The following MMEL1 variants were observed in gnomAD, a reference collection of about 807,000 sequenced individuals.
The protein encoded by MMEL1 is membrane metalloendopeptidase like 1, also known as membrane metallo-endopeptidase-like 1.
MMEL1 carries 98 observed loss-of-function variants against 117.1 expected under a neutral mutation model. That is an observed-to-expected ratio of 0.84 (90% CI 0.71 to 0.99). The LOEUF (loss-of-function observed/expected upper bound fraction) is 0.99. Ranked by LOEUF, MMEL1 falls within the 50% of genes least tolerant of loss-of-function variation. The probability of loss-of-function intolerance (pLI) is 0.00; values close to 1 mark genes in which losing one functional copy is unlikely to be tolerated. For missense variants in MMEL1, 1,014 were observed against 1,049.1 expected (o/e 0.97, Z 0.46); for synonymous variants, 390 against 415.1 (o/e 0.94, Z 0.74).
At chr1:2,608,556 T>C (rs530653375) in intron 6 of MMEL1, among the ~76,000 whole-genome samples, 2 of 151,232 alleles carry the variant, frequency 1.3e-5, no homozygotes, top group East Asian at 2.0e-4. Flanking sequence ...TACACACATA[T>C]ACACATGTAC....
chr1:2,614,842 A>G (rs1390100806), intron 2 of MMEL1, among the ~76,000 whole-genome samples: 1 of 151,390 alleles, frequency 6.6e-6, no homozygotes, highest in East Asian at 1.9e-4. Context: ...CAACTGGGGT[A>G]GGAAACATAC....
chr1:2,625,006 G>A (rs1645347508), intron 2 of MMEL1, among the ~76,000 whole-genome samples: 1 of 152,112 alleles, frequency 6.6e-6, no homozygotes, highest in Non-Finnish European at 1.5e-5. Flanking sequence ...TCACTATCAC[G>A]AGAACTGCAA....
At chr1:2,609,310 T>A (rs1645087237) in intron 6 of MMEL1, 29 bp downstream of exon 6, 1 of 1,595,744 alleles carries the variant, frequency 6.3e-7, no homozygotes, top group South Asian at 1.1e-5. Context: ...GTCCCCTGCC[T>A]CGGCCCCTTC....
chr1:2,602,820 C>A (rs1210168611), intron 11 of MMEL1, among the ~76,000 whole-genome samples: 2 of 152,120 alleles, frequency 1.3e-5, no homozygotes, highest in Non-Finnish European at 2.9e-5. Context: ...TGGCCATGGC[C>A]CTTGGTTCTC....
chr1:2,617,633 A>C (rs968595894), intron 2 of MMEL1, among the ~76,000 whole-genome samples: 6 of 152,136 alleles, frequency 3.9e-5, no homozygotes, highest in African/African-American at 1.2e-4. Context: ...CCTCATCTCT[A>C]CTTTTCTTGG....
At chr1:2,598,572 T>G (rs1644883032) in intron 12 of MMEL1, 82 bp downstream of exon 12, 3 of 1,587,178 alleles carry the variant, frequency 1.9e-6, no homozygotes, top group African/African-American at 2.7e-5. Context: ...GGTCCCCTCC[T>G]GGGAGCAGAA....
At position 2,629,392 on chromosome 1, in the gene MMEL1, C is replaced by T; in HGVS notation, c.93G>A (p.Leu31=). ...RPGFLEGGLL[L]LLLLVTAALV... is the part of the protein sequence containing the mutation. ...GGGCAGCGGTCACCAGCAGCAGCAG[C>T]AGCAGCAGCCCCCCCTCCAGGAACC... The change falls in exon 2 of 24, where the codon CTG becomes CTA. Residue 31 remains leucine, a synonymous_variant. Coordinates refer to ENST00000378412, the MANE Select transcript of MMEL1 (RefSeq NM_033467.4). 1.3e-6 allele frequency: 2 copies of T among 1,546,432 alleles called. No homozygotes were observed. The highest frequency in any genetic ancestry group is 2.4e-5 in the South Asian group (2 of 84,018).
intron 11 of MMEL1, among the ~76,000 whole-genome samples, chr1:2,600,426 C>T (rs560406826): frequency 2.6e-5 from 4 of 151,686 alleles, no homozygotes; most frequent in South Asian, 2.1e-4. Context: ...GGACCAGGTG[C>T]GGTGGCTCAT....
intron 2 of MMEL1, among the ~76,000 whole-genome samples, chr1:2,618,940 G>A (rs1645246698): frequency 6.6e-6 from 1 of 152,144 alleles, no homozygotes. Flanking sequence ...CTGCATCCGT[G>A]CCTTGGCCAT....
intron 6 of MMEL1, among the ~76,000 whole-genome samples, chr1:2,607,940 A>G (rs1237951289): frequency 2.0e-5 from 3 of 152,094 alleles, no homozygotes; most frequent in Non-Finnish European, 2.9e-5. Flanking sequence ...TGGGCTGCCC[A>G]CTGGGGATAA....
intron 11 of MMEL1, among the ~76,000 whole-genome samples, chr1:2,602,952 C>A (rs1213613804): frequency 6.6e-6 from 1 of 152,148 alleles, no homozygotes; most frequent in Admixed American, 6.5e-5. Flanking sequence ...GAACCTCGAT[C>A]GAGATAGGCC....
intron 11 of MMEL1, among the ~76,000 whole-genome samples, chr1:2,600,857 A>G (rs1374077814): frequency 6.6e-6 from 1 of 152,246 alleles, no homozygotes; most frequent in Non-Finnish European, 1.5e-5. Context: ...TTTCAAAATG[A>G]TTCTATTTAT....
intron 2 of MMEL1, among the ~76,000 whole-genome samples, chr1:2,623,739 C>G (rs1443356853): frequency 2.0e-5 from 3 of 152,204 alleles, no homozygotes; most frequent in Non-Finnish European, 4.4e-5. Flanking sequence ...TCTCAGAAGG[C>G]TGGAGAGAGC....
chr1:2,608,534 CACACAT>C (rs1189675241), intron 6 of MMEL1, among the ~76,000 whole-genome samples: 14 of 125,188 alleles, frequency 1.1e-4, no homozygotes, highest in South Asian at 2.9e-4. Flanking sequence ...CATACACATA[CACACAT>C]ACACATACAC....
Position 2,598,368 on chromosome 1 carries a change from T to C in MMEL1, c.1179-68A>G. On this transcript the variant is annotated intron_variant, in intron 12 of 23. Coordinates refer to ENST00000378412, the MANE Select transcript of MMEL1 (RefSeq NM_033467.4). Reference sequence around the variant, plus strand: ...GTCTTTGCAAGGGAGGAGATATGGCTTAGGGCCCTTGGCCAGCACGTTCCA... The same window carrying C: ...GTCTTTGCAAGGGAGGAGATATGGCCTAGGGCCCTTGGCCAGCACGTTCCA... The C allele has an allele frequency of 4.7e-6, 7 of 1,500,482 alleles. No individual in the cohort carries two copies. In the South Asian group the frequency reaches 5.7e-5, roughly 12 times the overall value. The allele number at this position is 1,500,482 out of a possible 1,614,324, so 92.9% of individuals were successfully genotyped here. A position where few individuals can be genotyped will look rare whatever the true frequency, so the allele number is the denominator to read the frequency against.
In MMEL1 at chr1:2,591,949, A is replaced by T. The variant is rs578055525; in HGVS notation, c.2146T>A (p.Phe716Ile). Residue 716 changes from phenylalanine to isoleucine, a missense_variant, in exon 22 of 24, where the codon TTC becomes ATC. Transcript: ENST00000378412. ...GCTGCCACCTGGGCATAGTTGATGAAGAAGAGCTGCTCATGGGTGAGATCC... is the reference window on the plus strand; with the variant it reads ...GCTGCCACCTGGGCATAGTTGATGATGAAGAGCTGCTCATGGGTGAGATCC... Reference protein sequence around the residue: ...GLDLTHEQLFFINYAQVWCGS... With the variant: ...GLDLTHEQLFIINYAQVWCGS... 3.7e-6 allele frequency: 6 copies of T among 1,613,318 alleles called. No homozygotes were observed. Among genetic ancestry groups the T allele is most frequent in the East Asian group, 2.2e-5 (1 of 44,874 alleles).
In MMEL1 at chr1:2,612,163, G is replaced by T. The variant is rs891290574; in HGVS notation, c.196C>A (p.Gln66Lys). The T allele has an allele frequency of 4.4e-6, 7 of 1,582,456 alleles. No homozygotes were observed. The highest frequency in any genetic ancestry group is 5.2e-6 in the Non-Finnish European group (6 of 1,163,012). Reference protein sequence around the residue: ...PRLASRLCFLQEERTFVKRKP... With the variant: ...PRLASRLCFLKEERTFVKRKP... The stretch of plus-strand genomic sequence containing the variant: ...CGTTTTACAAAGGTCCTCTCCTCCT[G>T]TAAGAAGCACAGCCGGCTAGCAAGG... Residue 66 changes from glutamine to lysine, a missense_variant, in exon 3 of 24, where the codon CAG becomes AAG. Gln to Lys is a moderately conservative substitution (Grantham distance 53). Transcript: ENST00000378412. This position sits in a 1 kb window ranked among gnomAD's most constrained non-coding sequence, Gnocchi z 5.4.
chr1:2,629,745 A>T, intron 1 of MMEL1: 1 of 424,762 alleles, frequency 2.4e-6, no homozygotes, highest in Non-Finnish European at 4.1e-6. Context: ...TAGGACTGGG[A>T]TGCTCCCAGC....
At chr1:2,615,975 A>G (rs1457648567) in intron 2 of MMEL1, among the ~76,000 whole-genome samples, 3 of 152,222 alleles carry the variant, frequency 2.0e-5, no homozygotes, top group Non-Finnish European at 4.4e-5. Context: ...CAGCAGCATC[A>G]TAGTCAAACT....
Sources: gnomAD v4.1 joint callset for allele counts (sites outside exome capture counted in the v4.1 genomes callset) on GRCh38, gnomAD v4.1.1 for gene constraint, Gnocchi (gnomAD v3.1) non-coding constraint, MANE v1.5 for transcripts, NCBI Gene and HGNC (gene_info 2026-07-23, HGNC 2026-07-21) for gene names.